Variants in BLTP1 observed in about 807,000 individuals in gnomAD.
BLTP1 encodes the protein fragile site-associated protein.
the BLTP1 span, chr4:122,258,674 C>T: frequency 2.5e-6 from 4 of 1,596,644 alleles, no homozygotes; most frequent in African/African-American, 4.0e-5. Context: ...TAATCTATTG[C>T]TCACTTATTC....
At chr4:122,304,879 C>T in the BLTP1 span, 3 of 1,613,910 alleles carry the variant, frequency 1.9e-6, no homozygotes, top group African/African-American at 1.3e-5. Flanking sequence ...ACTTTCTAAC[C>T]GACTTCAAAC....
At chr4:122,284,934 T>C in the BLTP1 span, among the ~76,000 whole-genome samples, 1 of 152,212 alleles carries the variant, frequency 6.6e-6, no homozygotes, top group Non-Finnish European at 1.5e-5. Context: ...TGTACTCCCA[T>C]CTCTACCATT....
chr4:122,221,209 T>C, the BLTP1 span: 10,343 of 198,744 alleles, frequency 0.052, 912 homozygotes, highest in African/African-American at 0.21. Flanking sequence ...TATGTAGTAA[T>C]TGATCATTTT....
chr4:122,254,282 A>G, the BLTP1 span: 1 of 1,613,542 alleles, frequency 6.2e-7, no homozygotes, highest in Non-Finnish European at 8.5e-7. Context: ...GTTGACCATT[A>G]AAGAAATTTG....
At chr4:122,216,527 T>C in the BLTP1 span, among the ~76,000 whole-genome samples, 1 of 152,302 alleles carries the variant, frequency 6.6e-6, no homozygotes, top group East Asian at 1.9e-4. Context: ...ATGTTGAACA[T>C]TTTTCGTATG....
At chr4:122,196,308 A>C in the BLTP1 span, among the ~76,000 whole-genome samples, 487 of 152,300 alleles carry the variant, frequency 3.2e-3, 2 homozygotes, top group Middle Eastern at 6.8e-3. Context: ...TAACTTGTCC[A>C]GGTTGGAATG....
chr4:122,316,154 A>G, the BLTP1 span, among the ~76,000 whole-genome samples: 2 of 152,222 alleles, frequency 1.3e-5, no homozygotes, highest in Non-Finnish European at 2.9e-5. Context: ...CATTTTAAAA[A>G]TACGTATTTT....
the BLTP1 span, chr4:122,238,191 G>A: frequency 3.7e-6 from 6 of 1,613,946 alleles, no homozygotes; most frequent in Admixed American, 1.7e-5. Flanking sequence ...GTACCATTAC[G>A]ATCTCATAGT....
At chr4:122,229,248 T>G in the BLTP1 span, 2 of 1,591,630 alleles carry the variant, frequency 1.3e-6, no homozygotes, top group Non-Finnish European at 1.7e-6. Context: ...AAGGTAAGTG[T>G]TTTGCTTGGC....
chr4:122,248,037 G>A, the BLTP1 span: 4 of 985,084 alleles, frequency 4.1e-6, no homozygotes, highest in Non-Finnish European at 4.8e-6. Flanking sequence ...CCCTGAATTT[G>A]CTTACTGTAT....
the BLTP1 span, chr4:122,247,731 A>G: frequency 2.0e-6 from 2 of 1,013,778 alleles, no homozygotes; most frequent in Non-Finnish European, 2.4e-6. Flanking sequence ...AGTGTTAGAA[A>G]GAATTAATTG....
the BLTP1 span, among the ~76,000 whole-genome samples, chr4:122,318,843 G>A: frequency 6.6e-6 from 1 of 152,068 alleles, no homozygotes; most frequent in Non-Finnish European, 1.5e-5. Flanking sequence ...AAGAGTTATC[G>A]ATTCACAAGT....
chr4:122,234,061 G>GT, the BLTP1 span: 1 of 152,256 alleles, frequency 6.6e-6, no homozygotes, highest in Non-Finnish European at 1.5e-5. Flanking sequence ...TTTTATTAAA[G>GT]TAAAAAAAAA....
the BLTP1 span, chr4:122,340,975 A>C: frequency 1.1e-5 from 3 of 262,300 alleles, no homozygotes; most frequent in Non-Finnish European, 1.8e-5. Flanking sequence ...CTCTTCTGCT[A>C]TGTAACTTTT....
chr4:122,189,662 T>C, the BLTP1 span: 1 of 932,248 alleles, frequency 1.1e-6, no homozygotes, highest in Non-Finnish European at 1.3e-6. Flanking sequence ...AAACTTTGTT[T>C]TAAATCGATT....
At chr4:122,334,502 G>C in the BLTP1 span, 1 of 1,612,638 alleles carries the variant, frequency 6.2e-7, no homozygotes. Flanking sequence ...TCCAGAGCAA[G>C]ACTAACACCT....
the BLTP1 span, chr4:122,255,939 A>T: frequency 2.6e-6 from 1 of 390,990 alleles, no homozygotes; most frequent in Non-Finnish European, 3.5e-6. Context: ...AAGAGTTTTT[A>T]AGCAAGAGAA....
At chr4:122,167,776 T>G in the BLTP1 span, 1 of 985,476 alleles carries the variant, frequency 1.0e-6, no homozygotes, top group Non-Finnish European at 1.2e-6. Context: ...CTGAGACTTC[T>G]GTTTCTCTCT....
At chr4:122,331,166 G>C in the BLTP1 span, 1 of 898,598 alleles carries the variant, frequency 1.1e-6, no homozygotes, top group Non-Finnish European at 1.3e-6. Flanking sequence ...TCAGTACATA[G>C]TAGCTGAATA....
Sources: gnomAD v4.1 joint callset for allele counts (sites outside exome capture counted in the v4.1 genomes callset) on GRCh38, gnomAD v4.1.1 for gene constraint, MANE v1.5 for transcripts, NCBI Gene and HGNC (gene_info 2026-07-23, HGNC 2026-07-21) for gene names.